Variants in SHROOM2 observed in about 807,000 individuals in gnomAD.
SHROOM2 encodes the protein shroom family member 2.
SHROOM2 carries 33 observed loss-of-function variants against 75.9 expected under a neutral mutation model. That is an observed-to-expected ratio of 0.43 (90% CI 0.33 to 0.58). The LOEUF (loss-of-function observed/expected upper bound fraction) is 0.58, where lower values mean the gene tolerates loss of function less well. SHROOM2 is among the 20% of genes least tolerant of loss of function. The probability of loss-of-function intolerance (pLI) is 0.04; values close to 1 mark genes in which losing one functional copy is unlikely to be tolerated. For missense variants in SHROOM2, 1,434 were observed against 1,461.2 expected (o/e 0.98, Z 0.30); for synonymous variants, 655 against 663.6 (o/e 0.99, Z 0.20).
intron 1 of SHROOM2, among the ~76,000 whole-genome samples, chrX:9,839,066 C>CTGTG (rs935081975): frequency 4.5e-5 from 5 of 111,279 alleles, no homozygotes; most frequent in African/African-American, 1.6e-4. Flanking sequence ...ATGAAAGGAA[C>CTGTG]TGTGTCATTT....
intron 5 of SHROOM2, among the ~76,000 whole-genome samples, chrX:9,929,379 G>A (rs917775649): frequency 8.9e-6 from 1 of 112,191 alleles, no homozygotes; most frequent in African/African-American, 3.2e-5. Flanking sequence ...CACTTCTGGC[G>A]TGGGAAGTGA....
At chrX:9,930,168 G>GA (rs2084634250) in intron 5 of SHROOM2, among the ~76,000 whole-genome samples, 1 of 111,135 alleles carries the variant, frequency 9.0e-6, no homozygotes, top group African/African-American at 3.3e-5. Context: ...GTTTTCAAAG[G>GA]GAAAAAAAGT....
intron 1 of SHROOM2, among the ~76,000 whole-genome samples, chrX:9,859,496 A>G (rs1454416243): frequency 1.8e-5 from 2 of 111,760 alleles, no homozygotes; most frequent in African/African-American, 3.3e-5. Context: ...GATAGTGGCC[A>G]TGTGCTCCAG....
At chrX:9,922,789 C>G (rs2084558729) in intron 5 of SHROOM2, among the ~76,000 whole-genome samples, 1 of 110,643 alleles carries the variant, frequency 9.0e-6, no homozygotes, top group Admixed American at 9.7e-5. Flanking sequence ...TCCTTCCTCA[C>G]ACAGTTTCAC....
intron 5 of SHROOM2, among the ~76,000 whole-genome samples, chrX:9,909,919 A>G (rs747480802): frequency 1.3e-4 from 14 of 111,961 alleles, no homozygotes; most frequent in Non-Finnish European, 2.6e-4. Context: ...TTTCTGGCTC[A>G]CAAATGGCTG....
intron 1 of SHROOM2, among the ~76,000 whole-genome samples, chrX:9,827,651 C>T (rs1160485011): frequency 9.2e-6 from 1 of 108,977 alleles, no homozygotes; most frequent in Non-Finnish European, 1.9e-5. Flanking sequence ...GATTTTCAAG[C>T]AGAAGGAGCT....
In SHROOM2 at chrX:9,818,564, C is replaced by G. The variant is rs1359403260; in HGVS notation, c.165+31854C>G. 1.3e-5 allele frequency: 4 copies of G among 302,782 alleles called. No individual in the cohort carries two copies. The East Asian group carries it at 3.3e-4, about 25-fold the overall frequency. The allele number at this position is 302,782 out of a possible 1,213,427, so 25.0% of individuals were successfully genotyped here. Reference sequence around the variant, plus strand: ...CTGAGCTTGGTGCATTGCTACCCCACACGTAAAGCCATGAAGAAGGTACCA... The same window carrying G: ...CTGAGCTTGGTGCATTGCTACCCCAGACGTAAAGCCATGAAGAAGGTACCA... On this transcript the variant is annotated intron_variant, in intron 1 of 9. Transcript: ENST00000380913.
intron 5 of SHROOM2, among the ~76,000 whole-genome samples, chrX:9,918,590 A>G (rs1228112711): frequency 8.9e-6 from 1 of 112,065 alleles, no homozygotes; most frequent in Non-Finnish European, 1.9e-5. Flanking sequence ...CCTAGGCTCA[A>G]GCAATCTTCC....
chrX:9,867,832 T>C (rs1218325264), intron 1 of SHROOM2, among the ~76,000 whole-genome samples: 1 of 110,933 alleles, frequency 9.0e-6, no homozygotes, highest in Non-Finnish European at 1.9e-5. Context: ...ATAGGTGGAG[T>C]GTGGTGGGGG....
At chrX:9,942,019 G>A (rs1364341069) in intron 8 of SHROOM2, among the ~76,000 whole-genome samples, 5 of 109,084 alleles carry the variant, frequency 4.6e-5, no homozygotes, top group African/African-American at 1.3e-4. Context: ...CCTGGCGGGC[G>A]TCCTTCCTTA....
At chrX:9,920,642 T>C (rs934921101) in intron 5 of SHROOM2, among the ~76,000 whole-genome samples, 2 of 112,295 alleles carry the variant, frequency 1.8e-5, no homozygotes, top group African/African-American at 6.5e-5. Flanking sequence ...CCTAAAGAAA[T>C]ATAGTAATAA....
chrX:9,838,057 GTT>G (rs573554791), intron 1 of SHROOM2, among the ~76,000 whole-genome samples: 55 of 75,763 alleles, frequency 7.3e-4, no homozygotes, highest in African/African-American at 1.3e-3. Flanking sequence ...TGTGTGTGTG[GTT>G]TTTTTTTTTT....
At chrX:9,823,898 A>G (rs1002344225) in intron 1 of SHROOM2, among the ~76,000 whole-genome samples, 13 of 108,458 alleles carry the variant, frequency 1.2e-4, no homozygotes, top group African/African-American at 2.0e-4. Context: ...AGCTGGGACT[A>G]TAGGCATGTA....
chrX:9,875,562 C>G (rs2084196429), intron 2 of SHROOM2, among the ~76,000 whole-genome samples: 1 of 111,925 alleles, frequency 8.9e-6, no homozygotes, highest in Non-Finnish European at 1.9e-5. Flanking sequence ...TGTGTCTCTT[C>G]TTTGATGGAG....
chrX:9,809,314 TC>T (rs1166472064), intron 1 of SHROOM2, among the ~76,000 whole-genome samples: 10 of 110,788 alleles, frequency 9.0e-5, no homozygotes, highest in African/African-American at 3.3e-4. Context: ...TAGACCAGTC[TC>T]TCCTTTTCAC....
At chrX:9,907,013 C>T (rs55822305) in intron 5 of SHROOM2, among the ~76,000 whole-genome samples, 1,916 of 110,961 alleles carry the variant, frequency 0.017, 18 homozygotes, top group Non-Finnish European at 0.026. Flanking sequence ...TGGCTAGATT[C>T]CAGCCCTTGC....
intron 1 of SHROOM2, among the ~76,000 whole-genome samples, chrX:9,821,977 G>C (rs2083855475): frequency 8.9e-6 from 1 of 112,520 alleles, no homozygotes; most frequent in Non-Finnish European, 1.9e-5. Context: ...AATGGGTCGA[G>C]GTGTGTGTTC....
chrX:9,825,414 G>A (rs1192205851), intron 1 of SHROOM2, among the ~76,000 whole-genome samples: 8 of 112,236 alleles, frequency 7.1e-5, no homozygotes, highest in Admixed American at 5.7e-4. Context: ...TAAGACTTTG[G>A]GTTTTCACAA....
intron 5 of SHROOM2, among the ~76,000 whole-genome samples, chrX:9,929,564 C>T (rs1314292060): frequency 8.9e-6 from 1 of 112,014 alleles, no homozygotes; most frequent in African/African-American, 3.2e-5. Flanking sequence ...TCACTTCTCA[C>T]AGGGCCTTTG....
Sources: gnomAD v4.1 joint callset for allele counts (sites outside exome capture counted in the v4.1 genomes callset) on GRCh38, gnomAD v4.1.1 for gene constraint, MANE v1.5 for transcripts, NCBI Gene and HGNC (gene_info 2026-07-23, HGNC 2026-07-21) for gene names.